The following LRRC4C variants were observed in gnomAD, a reference collection of about 807,000 sequenced individuals.
LRRC4C encodes the protein leucine-rich repeat-containing protein 4C.
LRRC4C carries 5 observed loss-of-function variants against 33.6 expected under a neutral mutation model. The ratio of observed to expected loss-of-function variants is 0.15; its 90% CI spans 0.08 to 0.31. The LOEUF (loss-of-function observed/expected upper bound fraction) is 0.31, where lower values mean the gene tolerates loss of function less well. LRRC4C is among the 10% of genes least tolerant of loss of function. LRRC4C has a pLI of 1.00. For synonymous variants in LRRC4C, 329 were observed against 302.0 expected, an observed-to-expected ratio of 1.09 and a Z score of -0.93; for missense variants, 560 against 796.7, an observed-to-expected ratio of 0.70 and a Z score of 3.58.
chr11:40,486,563 C>T (rs1953874599), intron 3 of LRRC4C, among the ~76,000 whole-genome samples: 1 of 152,028 alleles, frequency 6.6e-6, no homozygotes, highest in Non-Finnish European at 1.5e-5. Context: ...AGCTTGAACA[C>T]TAGCTAATAT....
At chr11:40,180,493 C>A (rs1352217055) in intron 5 of LRRC4C, among the ~76,000 whole-genome samples, 1 of 152,168 alleles carries the variant, frequency 6.6e-6, no homozygotes, top group Non-Finnish European at 1.5e-5. Flanking sequence ...GGCAGCATTA[C>A]CAGAAGTATG....
At chr11:41,029,488 A>G (rs1164247939) in intron 1 of LRRC4C, among the ~76,000 whole-genome samples, 1 of 151,798 alleles carries the variant, frequency 6.6e-6, no homozygotes, top group Non-Finnish European at 1.5e-5. Context: ...ACTTTCTGTG[A>G]TGACTATGTG....
intron 3 of LRRC4C, among the ~76,000 whole-genome samples, chr11:40,560,294 A>G (rs1294522495): frequency 6.6e-6 from 1 of 152,150 alleles, no homozygotes; most frequent in African/African-American, 2.4e-5. Context: ...ACACAGCACC[A>G]GGCATTGATC....
chr11:41,186,924 G>A (rs1224015425), intron 1 of LRRC4C, among the ~76,000 whole-genome samples: 1 of 152,162 alleles, frequency 6.6e-6, no homozygotes, highest in African/African-American at 2.4e-5. Context: ...ATTCTAGAAA[G>A]TATATACGTC....
chr11:40,670,879 T>TGAATGG (rs1944062774), intron 2 of LRRC4C, among the ~76,000 whole-genome samples: 1 of 152,196 alleles, frequency 6.6e-6, no homozygotes, highest in Non-Finnish European at 1.5e-5. Flanking sequence ...TTCTCCTGCC[T>TGAATGG]CAGCCTCCCG....
At chr11:41,016,106 T>G (rs879291132) in intron 1 of LRRC4C, among the ~76,000 whole-genome samples, 9 of 152,138 alleles carry the variant, frequency 5.9e-5, no homozygotes, top group Admixed American at 5.9e-4. Flanking sequence ...TGGAAAATGA[T>G]TTGTATAAAT....
intron 1 of LRRC4C, among the ~76,000 whole-genome samples, chr11:41,131,584 C>T (rs187872129): frequency 3.3e-5 from 5 of 152,096 alleles, no homozygotes; most frequent in East Asian, 3.9e-4. Context: ...TGAACCAGAG[C>T]GACCACATCT....
chr11:40,634,285 G>A (rs72892741), intron 3 of LRRC4C, among the ~76,000 whole-genome samples: 29,159 of 152,038 alleles, frequency 0.19, 2,984 homozygotes, highest in African/African-American at 0.26. Context: ...GCTTAAAGAA[G>A]CTTCGCTTTC....
intron 2 of LRRC4C, among the ~76,000 whole-genome samples, chr11:40,753,121 A>C (rs1448629555): frequency 1.3e-5 from 2 of 151,978 alleles, no homozygotes; most frequent in Non-Finnish European, 2.9e-5. Flanking sequence ...TTATATATAT[A>C]TCAGAGGCTG....
chr11:40,635,161 G>A (rs1591334293), intron 3 of LRRC4C, among the ~76,000 whole-genome samples: 1 of 152,268 alleles, frequency 6.6e-6, no homozygotes, highest in East Asian at 1.9e-4. Context: ...TAACAGCCAG[G>A]TAATATTTAC....
At chr11:40,768,804 C>A (rs1565037452) in intron 2 of LRRC4C, among the ~76,000 whole-genome samples, 1 of 151,894 alleles carries the variant, frequency 6.6e-6, no homozygotes, top group East Asian at 1.9e-4. Flanking sequence ...ATGATAAAAA[C>A]CTTTAAAAGA....
At chr11:41,087,915 C>T (rs1219561898) in intron 1 of LRRC4C, among the ~76,000 whole-genome samples, 1 of 152,072 alleles carries the variant, frequency 6.6e-6, no homozygotes, top group Non-Finnish European at 1.5e-5. Flanking sequence ...TGTTTGAGGG[C>T]ATTTTATCTC....
chr11:40,760,798 TATACAC>T (rs770386366), intron 2 of LRRC4C, among the ~76,000 whole-genome samples: 181 of 142,572 alleles, frequency 1.3e-3, no homozygotes, highest in African/African-American at 2.3e-3. Flanking sequence ...TATATATATA[TATACAC>T]ACACACACAC....
intron 3 of LRRC4C, among the ~76,000 whole-genome samples, chr11:40,524,562 T>C (rs1955959097): frequency 6.6e-6 from 1 of 152,116 alleles, no homozygotes; most frequent in African/African-American, 2.4e-5. Context: ...AAATTTATTA[T>C]TAATCAAGAC....
chr11:40,935,603 A>G (rs1957843408), intron 1 of LRRC4C, among the ~76,000 whole-genome samples: 1 of 152,108 alleles, frequency 6.6e-6, no homozygotes, highest in Admixed American at 6.6e-5. Context: ...GGGAGCAATG[A>G]GCCTTACCAC....
chr11:40,886,940 G>T (rs540160229), intron 2 of LRRC4C, among the ~76,000 whole-genome samples: 1 of 143,732 alleles, frequency 7.0e-6, no homozygotes, highest in African/African-American at 2.6e-5. Context: ...ATACGTGTAC[G>T]TATATATACA....
chr11:41,126,530 T>C (rs188655497), intron 1 of LRRC4C, among the ~76,000 whole-genome samples: 1 of 152,036 alleles, frequency 6.6e-6, no homozygotes, highest in East Asian at 1.9e-4. Flanking sequence ...GAGAAAGGAC[T>C]CAATGGACGC....
At chr11:40,879,579 A>G (rs970382809) in intron 2 of LRRC4C, among the ~76,000 whole-genome samples, 2 of 152,172 alleles carry the variant, frequency 1.3e-5, no homozygotes, top group African/African-American at 4.8e-5. Context: ...AGTACGTACT[A>G]AAATTTATTA....
At chr11:40,422,286 A>G (rs1486408815) in intron 3 of LRRC4C, among the ~76,000 whole-genome samples, 3 of 152,222 alleles carry the variant, frequency 2.0e-5, no homozygotes, top group Non-Finnish European at 4.4e-5. Flanking sequence ...AAGAGGTAGA[A>G]CTTAGTGATC....
Sources: gnomAD v4.1 joint callset for allele counts (sites outside exome capture counted in the v4.1 genomes callset) on GRCh38, gnomAD v4.1.1 for gene constraint, MANE v1.5 for transcripts, NCBI Gene and HGNC (gene_info 2026-07-23, HGNC 2026-07-21) for gene names.